Variants in RABGAP1L observed in about 807,000 individuals in gnomAD.
RABGAP1L encodes RAB GTPase activating protein 1 like, also known as rab GTPase-activating protein 1-like.
A neutral mutation model predicts 137.7 loss-of-function variants in RABGAP1L; 63 were observed. The ratio of observed to expected loss-of-function variants is 0.46; its 90% CI spans 0.37 to 0.56. The LOEUF is 0.56. RABGAP1L is among the 20% of genes least tolerant of loss of function. RABGAP1L has a pLI of 0.00. For synonymous variants in RABGAP1L, 431 were observed against 433.7 expected, an observed-to-expected ratio of 0.99 and a Z score of 0.08; for missense variants, 1,095 against 1,244.0, an observed-to-expected ratio of 0.88 and a Z score of 1.80.
chr1:174,674,866 G>C (rs369846971), intron 14 of RABGAP1L, among the ~76,000 whole-genome samples: 6 of 146,880 alleles, frequency 4.1e-5, no homozygotes, highest in East Asian at 3.9e-4. Context: ...TCATGTGTCT[G>C]TTGGCTGCAT....
intron 19 of RABGAP1L, among the ~76,000 whole-genome samples, chr1:174,916,119 T>C (rs1021627902): frequency 2.0e-5 from 3 of 150,858 alleles, no homozygotes; most frequent in Admixed American, 6.6e-5. Context: ...AGGGTCTATG[T>C]ACATTTTTTT....
chr1:174,408,002 A>G (rs1448362066), intron 13 of RABGAP1L, among the ~76,000 whole-genome samples: 1 of 152,218 alleles, frequency 6.6e-6, no homozygotes, highest in Admixed American at 6.5e-5. Flanking sequence ...TTACAGTTGC[A>G]TAGTATGTAC....
At chr1:174,446,980 T>C (rs1393013825) in intron 13 of RABGAP1L, among the ~76,000 whole-genome samples, 1 of 152,220 alleles carries the variant, frequency 6.6e-6, no homozygotes, top group African/African-American at 2.4e-5. Flanking sequence ...TATATTTACA[T>C]ATATATGTGA....
At chr1:174,873,763 C>T (rs1467570513) in intron 19 of RABGAP1L, among the ~76,000 whole-genome samples, 1 of 152,262 alleles carries the variant, frequency 6.6e-6, no homozygotes, top group East Asian at 1.9e-4. Flanking sequence ...CGCACCTCGT[C>T]CTCCTAAAGT....
intron 10 of RABGAP1L, among the ~76,000 whole-genome samples, chr1:174,286,701 C>T (rs1676084098): frequency 6.6e-6 from 1 of 151,844 alleles, no homozygotes; most frequent in East Asian, 1.9e-4. Flanking sequence ...ATAAACTTTC[C>T]CACTTAGAAC....
rs146434063 is a variant in RABGAP1L, at chr1:174,616,545, G to A, written c.1711-20830G>A. On this transcript the variant is annotated intron_variant, in intron 13 of 25. Transcript: ENST00000681986. ...TCGACCTAGAGGTGGCAATCAAATG[G>A]GGGTATTCAGACATGGACACTAGTT... is the stretch of plus-strand genomic sequence containing the variant. 4.9e-3 allele frequency among the ~76,000 whole-genome samples: 743 copies of A among 152,216 alleles called. 9 individuals carry two copies. The highest frequency in any genetic ancestry group is 0.011 in the Admixed American group (167 of 15,282).
intron 13 of RABGAP1L, among the ~76,000 whole-genome samples, chr1:174,597,366 C>T (rs1572447557): frequency 2.0e-5 from 3 of 152,040 alleles, no homozygotes; most frequent in Admixed American, 2.0e-4. Flanking sequence ...TGATAGGAGA[C>T]TTTTTATTAC....
At chr1:174,211,929 A>G (rs1668923238) in intron 1 of RABGAP1L, among the ~76,000 whole-genome samples, 1 of 152,176 alleles carries the variant, frequency 6.6e-6, no homozygotes, top group Non-Finnish European at 1.5e-5. Flanking sequence ...GCAAGAGGAT[A>G]TAATGATTGT....
intron 13 of RABGAP1L, among the ~76,000 whole-genome samples, chr1:174,470,388 TA>T (rs1361762754): frequency 6.6e-6 from 1 of 152,214 alleles, no homozygotes; most frequent in Non-Finnish European, 1.5e-5. Flanking sequence ...GATACTGAAT[TA>T]AATTTCCAGA....
intron 1 of RABGAP1L, among the ~76,000 whole-genome samples, chr1:174,178,481 G>A (rs566174207): frequency 4.1e-4 from 62 of 152,132 alleles, no homozygotes; most frequent in African/African-American, 1.5e-3. Flanking sequence ...CTCATTACTG[G>A]GTATATACCC....
intron 11 of RABGAP1L, among the ~76,000 whole-genome samples, chr1:174,352,339 A>G (rs1057109592): frequency 6.6e-6 from 1 of 151,902 alleles, no homozygotes; most frequent in East Asian, 1.9e-4. Context: ...TGCTTGATCA[A>G]TTCTGGTGTT....
chr1:174,958,313 C>T (rs1016923297), intron 20 of RABGAP1L: 2 of 802,398 alleles, frequency 2.5e-6, no homozygotes, highest in African/African-American at 3.6e-5. Flanking sequence ...AATTGTGAAT[C>T]TCTTCAATGG....
chr1:174,846,284 G>C (rs2148965165), intron 19 of RABGAP1L, among the ~76,000 whole-genome samples: 1 of 145,500 alleles, frequency 6.9e-6, no homozygotes, highest in South Asian at 2.2e-4. Context: ...GAATGTGTTT[G>C]CTCTTGCTTT....
chr1:174,630,232 G>C (rs1263780043), intron 13 of RABGAP1L, among the ~76,000 whole-genome samples: 1 of 142,456 alleles, frequency 7.0e-6, no homozygotes, highest in Non-Finnish European at 1.5e-5. Context: ...TTGCATCCCA[G>C]GGATGAAGCC....
At position 174,357,563 on chromosome 1, in the gene RABGAP1L, C is replaced by A. The variant is rs528100516; in HGVS notation, c.1466-13416C>A. ...ATGAATGTTGTAGATATTAAACACA[C>A]AAGTAAATAAAACCAAACATGTTTT... is the stretch of plus-strand genomic sequence containing the variant. On this transcript the variant is annotated intron_variant, in intron 11 of 25. Transcript: ENST00000681986. Among the ~76,000 whole-genome samples, 11 of 152,166 alleles carry A rather than the reference C, an allele frequency of 7.2e-5. No homozygotes were observed. The South Asian group carries it at 2.3e-3, about 32-fold the overall frequency.
chr1:174,189,705 A>T (rs995820483), intron 1 of RABGAP1L, among the ~76,000 whole-genome samples: 1 of 152,198 alleles, frequency 6.6e-6, no homozygotes, highest in Admixed American at 6.5e-5. Flanking sequence ...GCAGTAGCTC[A>T]TGCCTGTAAT....
At chr1:174,961,939 A>G (rs1006954633) in intron 20 of RABGAP1L, among the ~76,000 whole-genome samples, 3 of 151,446 alleles carry the variant, frequency 2.0e-5, no homozygotes, top group Non-Finnish European at 2.9e-5. Flanking sequence ...GGCAGATCAC[A>G]AGGTCAGGAG....
At chr1:174,224,668 C>T (rs1323729166) in intron 3 of RABGAP1L, among the ~76,000 whole-genome samples, 2 of 151,946 alleles carry the variant, frequency 1.3e-5, no homozygotes, top group African/African-American at 4.8e-5. Flanking sequence ...TCCTCTCATT[C>T]CTGATATTGA....
chr1:174,288,017 C>T (rs1262695300), intron 10 of RABGAP1L, among the ~76,000 whole-genome samples: 1 of 151,840 alleles, frequency 6.6e-6, no homozygotes, highest in East Asian at 1.9e-4. Context: ...TTTGTAATTA[C>T]CATGAGGCTT....
Sources: allele counts gnomAD v4.1 joint callset (sites outside exome capture counted in the v4.1 genomes callset), GRCh38; gene constraint gnomAD v4.1.1; transcripts MANE v1.5; gene names NCBI Gene and HGNC (gene_info 2026-07-23, HGNC 2026-07-21).